The following DROSHA variants were observed in gnomAD, a reference collection of about 807,000 sequenced individuals.
The protein encoded by DROSHA is drosha ribonuclease III.
A neutral mutation model predicts 181.9 loss-of-function variants in DROSHA; 56 were observed. The ratio of observed to expected loss-of-function variants is 0.31; its 90% confidence interval spans 0.25 to 0.38. DROSHA has a LOEUF of 0.38. Ranked by LOEUF, DROSHA falls within the 10% of genes least tolerant of loss-of-function variation. The pLI is 1.00. For synonymous variants in DROSHA, 524 were observed against 591.2 expected, an observed-to-expected ratio of 0.89 and a Z score of 1.65; for missense variants, 1,218 against 1,743.5, an observed-to-expected ratio of 0.70 and a Z score of 5.37.
chr5:31,401,143 C>T lies in DROSHA; in HGVS notation c.*289G>A, dbSNP rs114594866. The T allele has an allele frequency of 3.3e-3, 1,162 of 354,326 alleles. 17 individuals carry two copies. The highest frequency in any genetic ancestry group is 0.023 in the African/African-American group (1,091 of 46,810). The allele number at this position is 354,326 out of a possible 1,614,324, so 21.9% of individuals were successfully genotyped here. On this transcript the variant is annotated 3_prime_UTR_variant, in exon 36 of 36. Coordinates refer to ENST00000344624, the MANE Select transcript of DROSHA (RefSeq NM_001382508.1). ...ACAGATGGAAAAACAGGATCTATTC[C>T]ACATAGAATATGCTTCTTGAATTTT...
chr5:31,432,853 C>T (rs916993597), intron 25 of DROSHA, among the ~76,000 whole-genome samples: 1 of 152,148 alleles, frequency 6.6e-6, no homozygotes, highest in African/African-American at 2.4e-5. Context: ...TTACAACATA[C>T]AAATCAATTC....
intron 17 of DROSHA, among the ~76,000 whole-genome samples, chr5:31,468,556 G>A (rs1318047338): frequency 6.6e-6 from 1 of 152,118 alleles, no homozygotes; most frequent in African/African-American, 2.4e-5. Flanking sequence ...AGGCCAAATA[G>A]TTAAGCTTCT....
At chr5:31,431,240 G>A (rs1744137528) in intron 26 of DROSHA, among the ~76,000 whole-genome samples, 1 of 152,032 alleles carries the variant, frequency 6.6e-6, no homozygotes, top group Non-Finnish European at 1.5e-5. Context: ...GTTTGTTTAT[G>A]TATGTGATCC....
At chr5:31,473,955 C>T (rs1051016617) in intron 16 of DROSHA, among the ~76,000 whole-genome samples, 5 of 152,246 alleles carry the variant, frequency 3.3e-5, no homozygotes, top group Non-Finnish European at 5.9e-5. Context: ...GCATGTTTTT[C>T]ACCATATGTG....
At chr5:31,518,098 C>T (rs10051132) in intron 6 of DROSHA, among the ~76,000 whole-genome samples, 3,887 of 151,872 alleles carry the variant, frequency 0.026, 167 homozygotes, top group African/African-American at 0.089. Context: ...CTACACACCT[C>T]GGACAGGCGG....
rs1289690242 is a variant in DROSHA at position 31,422,710 on chromosome 5, G to A, written c.3419+77C>T. The stretch of plus-strand genomic sequence containing the variant: ...ATATATTTGAAATCCCAATTCCTTC[G>A]AAGGGCATGCTCCAAAGGTCTGGGA... On this transcript the variant is annotated intron_variant, in intron 29 of 35. Transcript: ENST00000344624. 13 of 1,546,476 alleles carry A rather than the reference G, an allele frequency of 8.4e-6. No individual in the cohort carries two copies. The East Asian group carries it at 9.2e-5, about 11-fold the overall frequency.
intron 6 of DROSHA, among the ~76,000 whole-genome samples, chr5:31,516,429 C>T (rs937219099): frequency 6.6e-6 from 1 of 152,138 alleles, no homozygotes; most frequent in African/African-American, 2.4e-5. Flanking sequence ...AAGTTTACAT[C>T]CAGATCAAAG....
chr5:31,406,482 T>G (rs1246362343), intron 34 of DROSHA, among the ~76,000 whole-genome samples: 2 of 151,840 alleles, frequency 1.3e-5, no homozygotes, highest in African/African-American at 2.4e-5. Flanking sequence ...AAAGTGAGAC[T>G]CTGTCTCCAA....
Position 31,409,599 on chromosome 5 carries a change from T to C in DROSHA, c.3668-267A>G, listed in dbSNP as rs1741053197. 2.5e-6 allele frequency: 1 copy of C among 393,364 alleles called. No individual in the cohort carries two copies. The highest frequency in any genetic ancestry group is 2.0e-5 in the African/African-American group (1 of 49,304). The allele number at this position is 393,364 out of a possible 1,614,324, so 24.4% of individuals were successfully genotyped here. On this transcript the variant is annotated intron_variant, in intron 31 of 35. Transcript: ENST00000344624. This position sits in a 1 kb window ranked among gnomAD's most constrained non-coding sequence, Gnocchi z 4.0. Reference sequence around the variant, plus strand: ...GGAATAGCTTAAAAGGTACACAGAATGCCGCTGTATATCAGGGAAAAAATG... The same window carrying C: ...GGAATAGCTTAAAAGGTACACAGAACGCCGCTGTATATCAGGGAAAAAATG...
Position 31,526,478 on chromosome 5 carries a change from G to A in DROSHA, c.455C>T (p.Pro152Leu). ...CATGACTGGAGGGGGCGGGGGATGA[G>A]GCATGGAGGGAGGGGGCATCATGAA... ...FPFMMPPPSM[P>L]HPPPPPVMPQ... Residue 152 changes from proline to leucine, a missense_variant, in exon 5 of 36, where the codon CCT becomes CTT. Pro to Leu is a moderately conservative substitution (Grantham distance 98). Around this residue, in one of 8 missense-constraint regions of DROSHA, gnomAD observed 536 missense variants for 535.4 expected, o/e 1.00. Transcript: ENST00000344624. 2 of 1,601,350 alleles carry A rather than the reference G, an allele frequency of 1.2e-6. No individual in the cohort carries two copies. Among genetic ancestry groups the A allele is most frequent in the African/African-American group, 1.3e-5 (1 of 74,678 alleles).
chr5:31,427,256 T>TG (rs1270675622), intron 27 of DROSHA, among the ~76,000 whole-genome samples: 7 of 152,122 alleles, frequency 4.6e-5, no homozygotes, highest in African/African-American at 1.7e-4. Flanking sequence ...AAAATCACAT[T>TG]AACACCACTC....
At chr5:31,471,985 T>G (rs1237306804) in intron 17 of DROSHA, 78 bp downstream of exon 17, 50 of 1,378,916 alleles carry the variant, frequency 3.6e-5, no homozygotes, top group Non-Finnish European at 4.7e-5. Context: ...TAAAATGTGC[T>G]GTTACTGTTT....
intron 20 of DROSHA, among the ~76,000 whole-genome samples, chr5:31,454,214 G>C (rs185877467): frequency 3.3e-5 from 5 of 152,232 alleles, no homozygotes; most frequent in Admixed American, 2.6e-4. Context: ...GAGTGAATAC[G>C]GGAGGACAGT....
intron 33 of DROSHA, 71 bp from the exon 34 acceptor site, chr5:31,407,016 G>A: frequency 2.9e-6 from 4 of 1,356,312 alleles, no homozygotes; most frequent in African/African-American, 1.4e-5. Flanking sequence ...TAACTATGAG[G>A]AAAACCATGT....
intron 30 of DROSHA, among the ~76,000 whole-genome samples, chr5:31,416,294 T>G (rs1206984737): frequency 6.6e-6 from 1 of 152,204 alleles, no homozygotes; most frequent in Non-Finnish European, 1.5e-5. Context: ...TCTTCCCTTA[T>G]ATATAAAGCA....
intron 23 of DROSHA, 46 bp from the exon 24 acceptor site, chr5:31,437,344 TC>T (rs757042298): frequency 1.1e-5 from 16 of 1,497,446 alleles, no homozygotes; most frequent in Admixed American, 2.1e-5. Flanking sequence ...ATATTAACAC[TC>T]CCCCCCACCC....
chr5:31,435,981 C>T, intron 24 of DROSHA, 117 bp from the exon 25 acceptor site: 1 of 835,432 alleles, frequency 1.2e-6, no homozygotes, highest in African/African-American at 1.7e-5. Context: ...TCAGGTGAAT[C>T]AAACTAAAGG....
intron 23 of DROSHA, among the ~76,000 whole-genome samples, chr5:31,443,042 A>ATT (rs558352739): frequency 2.1e-5 from 3 of 143,008 alleles, no homozygotes; most frequent in Admixed American, 7.0e-5. Flanking sequence ...GGTCCGATAG[A>ATT]TTTTTTTTTT....
rs1316205565 is a variant in DROSHA, at chr5:31,464,108, T to C, written c.2574+128A>G. On this transcript the variant is annotated intron_variant, in intron 20 of 35. Transcript: ENST00000344624. ...CCAAATAATAGAAAACAATTTATAG[T>C]TGATATTCCATTTAGTCTCAAGGTA... 5.1e-6 allele frequency: 4 copies of C among 777,994 alleles called. No homozygotes were observed. The African/African-American group carries it at 5.3e-5, about 10-fold the overall frequency. The allele number at this position is 777,994 out of a possible 1,614,324, so 48.2% of individuals were successfully genotyped here.
Sources: allele counts gnomAD v4.1 joint callset (sites outside exome capture counted in the v4.1 genomes callset), GRCh38; gene constraint gnomAD v4.1.1; regional missense constraint gnomAD v4.1.1; non-coding constraint Gnocchi (gnomAD v3.1); transcripts MANE v1.5; gene names NCBI Gene and HGNC (gene_info 2026-07-23, HGNC 2026-07-21).